The following ARHGAP6 variants were observed in gnomAD, a reference collection of about 807,000 sequenced individuals.
The protein encoded by ARHGAP6 is rho GTPase-activating protein 6.
A neutral mutation model predicts 55.7 loss-of-function variants in ARHGAP6; 16 were observed. The observed-to-expected ratio is 0.29, with a 90% CI of 0.19 to 0.44. ARHGAP6 has a LOEUF of 0.44. Ranked by LOEUF, ARHGAP6 falls within the 20% of genes least tolerant of loss-of-function variation. The probability of loss-of-function intolerance (pLI) is 1.00; values close to 1 mark genes in which losing one functional copy is unlikely to be tolerated. For missense variants in ARHGAP6, 698 were observed against 808.9 expected (o/e 0.86, Z 1.66); for synonymous variants, 382 against 360.9 (o/e 1.06, Z -0.66).
At chrX:11,434,138 TA>T (rs1199150381) in intron 1 of ARHGAP6, among the ~76,000 whole-genome samples, 1 of 112,092 alleles carries the variant, frequency 8.9e-6, no homozygotes, top group Non-Finnish European at 1.9e-5. Flanking sequence ...GAGATGCTGC[TA>T]AACATCCTGC....
At chrX:11,270,243 C>T (rs1226156419) in intron 1 of ARHGAP6, among the ~76,000 whole-genome samples, 1 of 111,866 alleles carries the variant, frequency 8.9e-6, no homozygotes, top group African/African-American at 3.2e-5. Context: ...TGCCAGCAAC[C>T]TTTTCTTTAT....
chrX:11,580,102 C>T (rs939584457), intron 1 of ARHGAP6, among the ~76,000 whole-genome samples: 14 of 111,844 alleles, frequency 1.3e-4, no homozygotes, highest in Admixed American at 4.8e-4. Flanking sequence ...TGAAATCATA[C>T]GTCCTATAGG....
Position 11,522,808 on chromosome X carries a change from A to G in ARHGAP6, c.588+141433T>C, listed in dbSNP as rs1044335582. Among the ~76,000 whole-genome samples the G allele has an allele frequency of 1.1e-4, 12 of 111,867 alleles. No homozygotes were observed. In the South Asian group the frequency reaches 1.1e-3, roughly 11 times the overall value. On this transcript the variant is annotated intron_variant, in intron 1 of 12. Coordinates refer to ENST00000337414, the MANE Select transcript of ARHGAP6 (RefSeq NM_013427.3). ...CACAGCCGAATTCTACCAGAGGTACAAGGAGGAGCTGGTACCATTCCTTCT... is the reference window on the plus strand; with the variant it reads ...CACAGCCGAATTCTACCAGAGGTACGAGGAGGAGCTGGTACCATTCCTTCT...
At chrX:11,572,670 A>G (rs368968899) in intron 1 of ARHGAP6, among the ~76,000 whole-genome samples, 20 of 111,785 alleles carry the variant, frequency 1.8e-4, no homozygotes, top group Non-Finnish European at 2.8e-4. Flanking sequence ...TGTCTTTATA[A>G]CAGCATGATT....
At chrX:11,270,392 G>A (rs1412934126) in intron 1 of ARHGAP6, among the ~76,000 whole-genome samples, 1 of 111,713 alleles carries the variant, frequency 9.0e-6, no homozygotes, top group East Asian at 2.8e-4. Flanking sequence ...GTGGAATTGA[G>A]ACACAGAAAT....
chrX:11,617,855 G>A lies in ARHGAP6; in HGVS notation c.588+46386C>T, dbSNP rs142468238. On this transcript the variant is annotated intron_variant, in intron 1 of 12. Coordinates refer to ENST00000337414, the MANE Select transcript of ARHGAP6 (RefSeq NM_013427.3). ...CAGGTGGGCCATGAGCTGAATGCTCGTAACAGGATGCTATGGGTGCCAGTG... is the reference window on the plus strand; with the variant it reads ...CAGGTGGGCCATGAGCTGAATGCTCATAACAGGATGCTATGGGTGCCAGTG... 6.8e-4 allele frequency among the ~76,000 whole-genome samples: 76 copies of A among 111,440 alleles called. No individual in the cohort carries two copies. In the East Asian group the frequency reaches 0.014, roughly 20 times the overall value.
intron 1 of ARHGAP6, among the ~76,000 whole-genome samples, chrX:11,381,517 A>T (rs2049262758): frequency 8.9e-6 from 1 of 112,260 alleles, no homozygotes; most frequent in Non-Finnish European, 1.9e-5. Flanking sequence ...TCCAAAGAAC[A>T]AAAGTAACCA....
chrX:11,326,425 G>A (rs2048500019), intron 1 of ARHGAP6, among the ~76,000 whole-genome samples: 1 of 111,342 alleles, frequency 9.0e-6, no homozygotes, highest in Non-Finnish European at 1.9e-5. Flanking sequence ...ATCGCGCCCA[G>A]CTGGGATTTT....
intron 1 of ARHGAP6, among the ~76,000 whole-genome samples, chrX:11,650,810 T>C: frequency 8.9e-6 from 1 of 112,619 alleles, no homozygotes; most frequent in Non-Finnish European, 1.9e-5. Flanking sequence ...GCTGAGCTCA[T>C]GCCTTGGAGT....
chrX:11,200,366 T>C (rs1005249177), intron 2 of ARHGAP6, among the ~76,000 whole-genome samples: 1 of 112,100 alleles, frequency 8.9e-6, no homozygotes, highest in Non-Finnish European at 1.9e-5. Flanking sequence ...GAGGAAACCA[T>C]GTCCTACATG....
At chrX:11,602,699 G>A (rs1360302004) in intron 1 of ARHGAP6, among the ~76,000 whole-genome samples, 1 of 112,827 alleles carries the variant, frequency 8.9e-6, no homozygotes, top group African/African-American at 3.2e-5. Context: ...GTTGAGGAAA[G>A]GGGTGGTAAT....
At chrX:11,293,806 G>C (rs1208237941) in intron 1 of ARHGAP6, among the ~76,000 whole-genome samples, 1 of 111,897 alleles carries the variant, frequency 8.9e-6, no homozygotes, top group Non-Finnish European at 1.9e-5. Flanking sequence ...ACATAAAATA[G>C]AACCATCCAT....
chrX:11,664,748 G>A lies in ARHGAP6; in HGVS notation c.81C>T (p.Phe27=). 1 of 1,200,189 alleles carries A rather than the reference G, an allele frequency of 8.3e-7. No homozygotes were observed. The change falls in exon 1 of 13, where the codon TTC becomes TTT. Residue 27 remains phenylalanine (F), a synonymous_variant. Transcript: ENST00000337414. ...GGGTCTGGCGCAGCTTCCTCTTGGA[G>A]AAGCCCTTGGCCGAGGCCGCGCTAC... ...ASSSAASAKG[F]SKRKLRQTRS...
At chrX:11,232,758 A>C (rs190272921) in intron 2 of ARHGAP6, among the ~76,000 whole-genome samples, 213 of 112,028 alleles carry the variant, frequency 1.9e-3, no homozygotes, top group Non-Finnish European at 2.3e-3. Context: ...TACTCTTTTA[A>C]GACTTGTGTC....
chrX:11,443,202 C>T, intron 1 of ARHGAP6, among the ~76,000 whole-genome samples: 1 of 112,536 alleles, frequency 8.9e-6, no homozygotes, highest in Non-Finnish European at 1.9e-5. Context: ...TTTCTCTTGT[C>T]AATATTATAT....
At chrX:11,308,888 G>A (rs1438545642) in intron 1 of ARHGAP6, among the ~76,000 whole-genome samples, 2 of 112,142 alleles carry the variant, frequency 1.8e-5, no homozygotes, top group African/African-American at 3.2e-5. Flanking sequence ...ACTATGATTT[G>A]CTCTGAACTT....
chrX:11,368,541 G>T (rs984517786), intron 1 of ARHGAP6, among the ~76,000 whole-genome samples: 1 of 111,517 alleles, frequency 9.0e-6, no homozygotes, highest in African/African-American at 3.3e-5. Context: ...TTCCCAACCT[G>T]CCTTAATTAT....
At chrX:11,375,327 T>G (rs1166646892) in intron 1 of ARHGAP6, among the ~76,000 whole-genome samples, 1 of 112,195 alleles carries the variant, frequency 8.9e-6, no homozygotes. Flanking sequence ...CTTACTTTAT[T>G]AGAATCATAC....
intron 9 of ARHGAP6, among the ~76,000 whole-genome samples, chrX:11,165,137 G>A (rs1313463609): frequency 9.0e-6 from 1 of 111,021 alleles, no homozygotes; most frequent in African/African-American, 3.3e-5. Context: ...GGACAAAATC[G>A]AAACAAAAAT....
Sources: gnomAD v4.1 joint callset for allele counts (sites outside exome capture counted in the v4.1 genomes callset) on GRCh38, gnomAD v4.1.1 for gene constraint, MANE v1.5 for transcripts, NCBI Gene and HGNC (gene_info 2026-07-23, HGNC 2026-07-21) for gene names.